Variants in HELB observed in about 807,000 individuals in gnomAD.
HELB encodes DNA helicase B, also known as DNA 5'-3' helicase B.
A neutral mutation model predicts 101.7 loss-of-function variants in HELB; 96 were observed. The ratio of observed to expected loss-of-function variants is 0.94; its 90% CI spans 0.80 to 1.12. HELB has a LOEUF of 1.12. HELB is among the 50% of genes most tolerant of loss of function. HELB has a pLI of 0.00. For missense variants in HELB, 1,210 were observed against 1,291.9 expected (o/e 0.94, Z 0.97); for synonymous variants, 437 against 459.7 (o/e 0.95, Z 0.63).
intron 7 of HELB, among the ~76,000 whole-genome samples, chr12:66,319,955 T>A (rs2053652501): frequency 1.3e-5 from 2 of 151,276 alleles, no homozygotes; most frequent in African/African-American, 4.9e-5. Context: ...TCCTGTTATA[T>A]ACTAGATACA....
intron 12 of HELB, among the ~76,000 whole-genome samples, chr12:66,332,540 C>T (rs2053821754): frequency 6.6e-6 from 1 of 152,200 alleles, no homozygotes. Flanking sequence ...TGGACACTCC[C>T]CACCTGTTAG....
chr12:66,311,048 C>T (rs1185481293), intron 4 of HELB, among the ~76,000 whole-genome samples: 1 of 151,804 alleles, frequency 6.6e-6, no homozygotes, highest in Non-Finnish European at 1.5e-5. Flanking sequence ...TCATTTAGAT[C>T]AATGCTTTTC....
Position 66,318,794 on chromosome 12 carries a change from T to C in HELB, c.2155+2T>C. 6.3e-7 allele frequency: 1 copy of C among 1,598,558 alleles called. No individual in the cohort carries two copies. The highest frequency in any genetic ancestry group is 1.1e-5 in the South Asian group (1 of 87,846). On this transcript the variant is annotated splice_donor_variant, in intron 7 of 12. Coordinates refer to ENST00000247815, the MANE Select transcript of HELB (RefSeq NM_001370285.1). LOFTEE classifies it high-confidence loss of function. ...CATCTAAAACTAATCATCACTCTTG[T>C]AAGTATAAACTTCTATGAGATGTAG...
intron 12 of HELB, among the ~76,000 whole-genome samples, chr12:66,333,238 G>T (rs986538659): frequency 3.3e-5 from 5 of 152,148 alleles, no homozygotes; most frequent in African/African-American, 4.8e-5. Context: ...ATGGCAGGGG[G>T]TGTGGTGGGC....
At chr12:66,331,042 G>A (rs2053799035) in intron 11 of HELB, 112 bp from the exon 12 acceptor site, 1 of 1,188,588 alleles carries the variant, frequency 8.4e-7, no homozygotes, top group African/African-American at 1.5e-5. Flanking sequence ...TAATAGTCTG[G>A]CCAGGTAGAA....
intron 3 of HELB, among the ~76,000 whole-genome samples, chr12:66,309,130 C>A (rs1378219885): frequency 6.6e-6 from 1 of 152,196 alleles, no homozygotes; most frequent in East Asian, 1.9e-4. Context: ...TACATCCTGT[C>A]ACTCAGCTGT....
At position 66,313,852 on chromosome 12, in the gene HELB, T is replaced by G. The variant is rs1214517226; in HGVS notation, c.1681-134T>G. On this transcript the variant is annotated intron_variant, in intron 4 of 12. Transcript: ENST00000247815. Reference sequence around the variant, plus strand: ...TCTGTCTGTTCTGCATATTCAACCCTATAACTTTTGTGTTTCTTTACTTCC... The same window carrying G: ...TCTGTCTGTTCTGCATATTCAACCCGATAACTTTTGTGTTTCTTTACTTCC... 7 of 707,844 alleles carry G rather than the reference T, an allele frequency of 9.9e-6. No homozygotes were observed. In the African/African-American group the frequency reaches 1.3e-4, roughly 13 times the overall value. 43.8% of individuals were successfully genotyped at this position (707,844 alleles called of 1,614,324 possible).
chr12:66,307,176 C>T (rs1281170919), intron 3 of HELB, among the ~76,000 whole-genome samples: 1 of 152,072 alleles, frequency 6.6e-6, no homozygotes, highest in Non-Finnish European at 1.5e-5. Context: ...ATTCTTGGAA[C>T]CTCAAGAATG....
intron 2 of HELB, among the ~76,000 whole-genome samples, chr12:66,305,801 C>T (rs754630216): frequency 2.0e-5 from 3 of 151,198 alleles, no homozygotes; most frequent in East Asian, 1.9e-4. Flanking sequence ...TAGAGAAGAA[C>T]GACAAGGATG....
At position 66,305,069 on chromosome 12, in the gene HELB, A is replaced by G; in HGVS notation, c.526A>G (p.Lys176Glu). The G allele has an allele frequency of 6.2e-7, 1 of 1,611,568 alleles. No homozygotes were observed. Among genetic ancestry groups the G allele is most frequent in the Middle Eastern group, 1.7e-4 (1 of 6,042 alleles). Residue 176 changes from lysine to glutamate, a missense_variant, in exon 2 of 13, where the codon AAA (lysine) becomes GAA (glutamate). This residue lies in a region of HELB where 470 missense variants were observed against 563.1 expected (regional missense o/e 0.83). Transcript: ENST00000247815. The stretch of plus-strand genomic sequence containing the variant: ...AACTTTCCACAAGGAAACTGGAAGG[A>G]AAGATCAAAAGCAGCCTACACAGAA... ...LRTFHKETGR[K>E]DQKQPTQNGQ...
intron 6 of HELB, among the ~76,000 whole-genome samples, chr12:66,317,730 G>T (rs2053625433): frequency 6.6e-6 from 1 of 152,204 alleles, no homozygotes; most frequent in Admixed American, 6.5e-5. Flanking sequence ...CGGTCCTGGA[G>T]ATAGAAGGTG....
chr12:66,310,869 T>TG (rs1302328658), intron 4 of HELB, among the ~76,000 whole-genome samples: 1 of 152,158 alleles, frequency 6.6e-6, no homozygotes, highest in Non-Finnish European at 1.5e-5. Context: ...AAGCAGAGGT[T>TG]GCAGTAACTG....
At chr12:66,327,035 CAAAAAAAAAAAAA>C (rs756031862) in intron 11 of HELB, among the ~76,000 whole-genome samples, 1 of 41,702 alleles carries the variant, frequency 2.4e-5, no homozygotes, top group East Asian at 1.0e-3. Flanking sequence ...GACTTCATCT[CAAAAAAAAAAAAA>C]AAAAAAAAAA....
At chr12:66,325,150 C>T in intron 11 of HELB, 24 bp downstream of exon 11, 1 of 1,513,662 alleles carries the variant, frequency 6.6e-7, no homozygotes, top group Non-Finnish European at 9.1e-7. Flanking sequence ...TTTATCAAAC[C>T]TTTTAAATAA....
At position 66,318,729 on chromosome 12, in the gene HELB, A is replaced by T; in HGVS notation, c.2092A>T (p.Ile698Phe). 1 of 1,611,266 alleles carries T rather than the reference A, an allele frequency of 6.2e-7. No homozygotes were observed. The highest frequency in any genetic ancestry group is 8.5e-7 in the Non-Finnish European group (1 of 1,179,164). Residue 698 changes from isoleucine to phenylalanine, a missense_variant, in exon 7 of 13, where the codon ATT becomes TTT. Coordinates refer to ENST00000247815, the MANE Select transcript of HELB (RefSeq NM_001370285.1). ...LPISIQDKTF[I>F]FVRLPEEDAS... ...CATCTCAATTCAAGATAAGACATTT[A>T]TTTTTGTCAGGCTCCCAGAAGAGGA...
At position 66,309,901 on chromosome 12, in the gene HELB, C is replaced by A. The variant is rs533284155; in HGVS notation, c.973C>A (p.His325Asn). 6.2e-7 allele frequency: 1 copy of A among 1,613,898 alleles called. No homozygotes were observed. Among genetic ancestry groups the A allele is most frequent in the Admixed American group, 1.7e-5 (1 of 60,014 alleles). Residue 325 changes from histidine to asparagine, a missense_variant, in exon 4 of 13, where the codon CAT (histidine) becomes AAT (asparagine). By Grantham distance (68) the His-to-Asn change is moderately conservative. This residue lies in a region of HELB where 470 missense variants were observed against 563.1 expected (regional missense o/e 0.83). Coordinates refer to ENST00000247815, the MANE Select transcript of HELB (RefSeq NM_001370285.1). Reference sequence around the variant, plus strand: ...TGACTTAACTTTGACATTGTCAAATCATATGTCATTTCATGCTGCTTCAGA... The same window carrying A: ...TGACTTAACTTTGACATTGTCAAATAATATGTCATTTCATGCTGCTTCAGA... ...VNDLTLTLSN[H>N]MSFHAASESL...
At chr12:66,313,739 G>A (rs1433280817) in intron 4 of HELB, among the ~76,000 whole-genome samples, 1 of 152,110 alleles carries the variant, frequency 6.6e-6, no homozygotes, top group African/African-American at 2.4e-5. Context: ...AAAGAATAGG[G>A]AGCTTTCTGT....
chr12:66,305,549 C>A (rs1460191234), intron 2 of HELB, among the ~76,000 whole-genome samples: 1 of 151,852 alleles, frequency 6.6e-6, no homozygotes. Context: ...CGAGACTAGC[C>A]TGAGCAATGT....
chr12:66,315,495 A>G, intron 6 of HELB, 112 bp downstream of exon 6: 1 of 694,534 alleles, frequency 1.4e-6, no homozygotes, highest in Non-Finnish European at 2.1e-6. Context: ...TTTTAGCAAA[A>G]CTCTTCCATC....
Sources: allele counts gnomAD v4.1 joint callset (sites outside exome capture counted in the v4.1 genomes callset), GRCh38; gene constraint gnomAD v4.1.1; regional missense constraint gnomAD v4.1.1; transcripts MANE v1.5; gene names NCBI Gene and HGNC (gene_info 2026-07-23, HGNC 2026-07-21).